The following NHLH2 variants were observed in gnomAD, a reference collection of about 807,000 sequenced individuals.
NHLH2 encodes helix-loop-helix protein 2.
A neutral mutation model predicts 7.3 loss-of-function variants in NHLH2; 7 were observed. The ratio of observed to expected loss-of-function variants is 0.96; its 90% CI spans 0.55 to 1.81. The LOEUF is 1.81. NHLH2 is among the 40% of genes most tolerant of loss of function. The pLI is 0.00. For synonymous variants in NHLH2, 93 were observed against 91.6 expected (o/e 1.01, Z -0.09); for missense variants, 155 against 194.0 (o/e 0.80, Z 1.19).
In NHLH2 at chr1:115,837,935, G is replaced by A. The variant is rs868167519; in HGVS notation, c.*30C>T. On this transcript the variant is annotated 3_prime_UTR_variant, in exon 3 of 3. Coordinates refer to ENST00000320238, the MANE Select transcript of NHLH2 (RefSeq NM_005599.3). Reference sequence around the variant, plus strand: ...ATCCGTAGCGTTTCGCGGACGCCGGGACAGGCGGCCCCCCGCGGCGCACCC... The same window carrying A: ...ATCCGTAGCGTTTCGCGGACGCCGGAACAGGCGGCCCCCCGCGGCGCACCC... The A allele has an allele frequency of 6.3e-7, 1 of 1,582,600 alleles. No individual in the cohort carries two copies. The highest frequency in any genetic ancestry group is 1.1e-5 in the South Asian group (1 of 88,046).
chr1:115,833,823 C>T (rs2101192223), downstream of NHLH2, among the ~76,000 whole-genome samples: 1 of 152,352 alleles, frequency 6.6e-6, no homozygotes, highest in African/African-American at 2.4e-5. Flanking sequence ...TGTGCATGCT[C>T]TTAAGTTGGC....
intron 2 of NHLH2, 66 bp from the exon 3 acceptor site, chr1:115,838,446 C>A: frequency 1.3e-6 from 2 of 1,532,140 alleles, no homozygotes; most frequent in African/African-American, 1.4e-5. Flanking sequence ...GGATGGCTGC[C>A]GAGGCCTACC....
At chr1:115,834,509 C>T (rs1650820766), downstream of NHLH2, among the ~76,000 whole-genome samples, 1 of 152,144 alleles carries the variant, frequency 6.6e-6, no homozygotes, top group Non-Finnish European at 1.5e-5. Context: ...GCACTCAGAA[C>T]ATTTTAATAG....
At chr1:115,831,989 T>C (rs1891508), downstream of NHLH2, among the ~76,000 whole-genome samples, 9,935 of 151,764 alleles carry the variant, frequency 0.065, 1,140 homozygotes, top group African/African-American at 0.23. Context: ...TACACACACA[T>C]TGGATGTGAG....
downstream of NHLH2, among the ~76,000 whole-genome samples, chr1:115,833,575 C>T (rs1041418141): frequency 1.3e-5 from 2 of 152,164 alleles, no homozygotes; most frequent in Non-Finnish European, 2.9e-5. Context: ...AACTGATAAA[C>T]ATGGCTTCAT....
At chr1:115,834,902 A>C (rs1319123825), downstream of NHLH2, among the ~76,000 whole-genome samples, 2 of 152,198 alleles carry the variant, frequency 1.3e-5, no homozygotes, top group Non-Finnish European at 2.9e-5. Context: ...TCAAAGAAGA[A>C]TCGAGACCTC....
downstream of NHLH2, among the ~76,000 whole-genome samples, chr1:115,831,738 T>A (rs1223320113): frequency 6.6e-6 from 1 of 151,922 alleles, no homozygotes; most frequent in East Asian, 1.9e-4. Flanking sequence ...CTGGCCAACA[T>A]GGTGAAACCC....
chr1:115,831,918 T>A (rs1015167758), downstream of NHLH2, among the ~76,000 whole-genome samples: 3 of 102,844 alleles, frequency 2.9e-5, no homozygotes, highest in African/African-American at 8.6e-5. Context: ...GAGCGAGACT[T>A]GGTCTCAAAA....
downstream of NHLH2, among the ~76,000 whole-genome samples, chr1:115,833,067 T>C (rs1557827845): frequency 2.6e-5 from 4 of 152,146 alleles, no homozygotes; most frequent in South Asian, 8.3e-4. Context: ...GGAACTTGAA[T>C]TTTATTAAAA....
At chr1:115,835,070 T>C (rs1005826950), downstream of NHLH2, among the ~76,000 whole-genome samples, 1 of 152,172 alleles carries the variant, frequency 6.6e-6, no homozygotes, top group East Asian at 1.9e-4. Context: ...TGAAATCACA[T>C]GGGTTGCATA....
At position 115,836,706 on chromosome 1, in the gene NHLH2, A is replaced by C. The variant is rs1650879996; in HGVS notation, c.*1259T>G. On this transcript the variant is annotated 3_prime_UTR_variant, in exon 3 of 3. Coordinates refer to ENST00000320238, the MANE Select transcript of NHLH2 (RefSeq NM_005599.3). ...CTTTTTTTTTTAGGAAAATAACTTA[A>C]TTTGCTAAATTCATCACACGCACAA... 6.6e-6 allele frequency: 1 copy of C among 152,250 alleles called. No individual in the cohort carries two copies. Among genetic ancestry groups the C allele is most frequent in the African/African-American group, 2.4e-5 (1 of 41,388 alleles). The allele number at this position is 152,250 out of a possible 1,614,324, so 9.4% of individuals were successfully genotyped here.
chr1:115,838,430 C>T, intron 2 of NHLH2, 50 bp from the exon 3 acceptor site: 3 of 1,578,438 alleles, frequency 1.9e-6, no homozygotes, highest in Non-Finnish European at 2.6e-6. Context: ...GGGTATTTTG[C>T]TGGAAGGATG....
rs969812289 is a variant in NHLH2 at position 115,840,209 on chromosome 1, G to T, written c.-9+7C>A. ...AAGCTGAAAAAAATTATTTAAAGGA[G>T]TCTTACCTTGCAAAAGCCTTTTTGA... On this transcript the variant is annotated splice_region_variant and intron_variant, in intron 2 of 2. Transcript: ENST00000320238. 1 of 167,008 alleles carries T rather than the reference G, an allele frequency of 6.0e-6. No homozygotes were observed. The highest frequency in any genetic ancestry group is 2.4e-5 in the African/African-American group (1 of 41,418). 10.3% of individuals were successfully genotyped at this position (167,008 alleles called of 1,614,324 possible).
rs1650885169 is a variant in NHLH2, at chr1:115,836,874, CTTTCAAGAACA to C, written c.*1080_*1090del. ...GTTGCTGATCTCACAACAAAAGAAC[CTTTCAAGAACA>C]AACATCTTAATATATAAAATATGTT... On this transcript the variant is annotated 3_prime_UTR_variant, in exon 3 of 3. Transcript: ENST00000320238. 6.6e-6 allele frequency: 1 copy of C among 151,982 alleles called. No individual in the cohort carries two copies. The highest frequency in any genetic ancestry group is 1.5e-5 in the Non-Finnish European group (1 of 67,962). The allele number at this position is 151,982 out of a possible 1,614,324, so 9.4% of individuals were successfully genotyped here. A position where few individuals can be genotyped will look rare whatever the true frequency, so the allele number is the denominator to read the frequency against.
downstream of NHLH2, among the ~76,000 whole-genome samples, chr1:115,833,275 A>G (rs1424783803): frequency 6.6e-6 from 1 of 152,166 alleles, no homozygotes; most frequent in African/African-American, 2.4e-5. Context: ...TGCAAAGTAG[A>G]AAAATGCTCC....
chr1:115,833,125 A>G (rs948851972), downstream of NHLH2, among the ~76,000 whole-genome samples: 1 of 152,198 alleles, frequency 6.6e-6, no homozygotes, highest in Non-Finnish European at 1.5e-5. Context: ...ATTTTTAAAG[A>G]TAGGTCTAGA....
chr1:115,839,756 G>A (rs578080840), intron 2 of NHLH2: 4 of 166,816 alleles, frequency 2.4e-5, no homozygotes, highest in Non-Finnish European at 5.9e-5. Flanking sequence ...TGCTTCTAGA[G>A]AAACAAAAGC....
rs1293232290 is a variant in NHLH2 at position 115,836,551 on chromosome 1, G to T, written c.*1414C>A. ...CTAAAATCTTTGGATAGCAGATGTG[G>T]TTTTTTTCCCTTGTCTCTAAAATAC... is the stretch of plus-strand genomic sequence containing the variant. On this transcript the variant is annotated 3_prime_UTR_variant, in exon 3 of 3. Coordinates refer to ENST00000320238, the MANE Select transcript of NHLH2 (RefSeq NM_005599.3). 1 of 152,414 alleles carries T rather than the reference G, an allele frequency of 6.6e-6. No homozygotes were observed. The highest frequency in any genetic ancestry group is 1.5e-5 in the Non-Finnish European group (1 of 67,970). 9.4% of individuals were successfully genotyped at this position (152,414 alleles called of 1,614,324 possible).
In NHLH2 at chr1:115,838,396, A is replaced by C. The variant is rs1465629160; in HGVS notation, c.-8-16T>G. The stretch of plus-strand genomic sequence containing the variant: ...ATTTTGGAGGCTGAGGAGGGGTCGG[A>C]AAATTAATCAGTAAAAGGAATCAGG... On this transcript the variant is annotated splice_polypyrimidine_tract_variant and intron_variant, in intron 2 of 2. Transcript: ENST00000320238. 2.5e-6 allele frequency: 4 copies of C among 1,607,470 alleles called. No individual in the cohort carries two copies. Among genetic ancestry groups the C allele is most frequent in the Admixed American group, 3.3e-5 (2 of 59,826 alleles).
Sources: gnomAD v4.1 joint callset for allele counts (sites outside exome capture counted in the v4.1 genomes callset) on GRCh38, gnomAD v4.1.1 for gene constraint, MANE v1.5 for transcripts, NCBI Gene and HGNC (gene_info 2026-07-23, HGNC 2026-07-21) for gene names.